LIPA: variants seen among roughly 807,000 people sequenced by gnomAD.
The protein encoded by LIPA is lysosomal acid lipase/cholesteryl ester hydrolase.
A neutral mutation model predicts 40.6 loss-of-function variants in LIPA; 26 were observed. The ratio of observed to expected loss-of-function variants is 0.64; its 90% CI spans 0.47 to 0.89. LIPA has a LOEUF of 0.89. Ranked by LOEUF, LIPA falls within the 40% of genes least tolerant of loss-of-function variation. The pLI, the probability that LIPA is intolerant of heterozygous loss-of-function variation, is 0.00. For missense variants in LIPA, 455 were observed against 479.6 expected (o/e 0.95, Z 0.48); for synonymous variants, 188 against 168.4 (o/e 1.12, Z -0.90).
At chr10:89,267,749 TAA>T (rs55980603) in intron 1 of LIPA, among the ~76,000 whole-genome samples, 2,542 of 135,460 alleles carry the variant, frequency 0.019, 31 homozygotes, top group African/African-American at 0.032. Flanking sequence ...AAAAGAAACT[TAA>T]AAAAAAAAAA....
rs766942088 is a variant in LIPA at position 89,247,557 on chromosome 10, G to C, written c.92C>G (p.Pro31Arg). The C allele has an allele frequency of 6.2e-7, 1 of 1,608,948 alleles. No individual in the cohort carries two copies. Among genetic ancestry groups the C allele is most frequent in the Non-Finnish European group, 8.5e-7 (1 of 1,175,400 alleles). ...GSGGKLTAVD[P>R]ETNMNVSEII... ...ACTTACCACATTCATGTTTGTTTCA[G>C]GATCCACAGCTGTCAGTTTCCCTCC... Residue 31 changes from proline (P) to arginine (R), a missense_variant, in exon 2 of 10, where the codon CCT (proline) becomes CGT (arginine). Transcript: ENST00000336233.
chr10:89,220,820 C>T (rs1392248029), intron 8 of LIPA, among the ~76,000 whole-genome samples: 2 of 152,194 alleles, frequency 1.3e-5, no homozygotes, highest in Non-Finnish European at 2.9e-5. Flanking sequence ...AACAGGTCTG[C>T]TCCCAAACCT....
chr10:89,311,644 T>C (rs1048774296), intron 1 of LIPA, among the ~76,000 whole-genome samples: 7 of 152,092 alleles, frequency 4.6e-5, no homozygotes, highest in Admixed American at 2.0e-4. Context: ...TATCTTCTAA[T>C]TGTTGATTAA....
Position 89,275,993 on chromosome 10 carries a change from C to T in LIPA, c.-1-28344G>A, listed in dbSNP as rs550221587. ...ATAGCTTGTGTGAGAATAATGCCAG[C>T]TCAGTTCACAGTACAACCTTTCTAC... On this transcript the variant is annotated intron_variant, in intron 1 of 5. Transcript: ENST00000282673. 3.3e-5 allele frequency among the ~76,000 whole-genome samples: 5 copies of T among 152,272 alleles called. No individual in the cohort carries two copies. The East Asian group carries it at 9.6e-4, about 29-fold the overall frequency.
At chr10:89,393,514 C>G (rs1779469441) in intron 2 of LIPA, among the ~76,000 whole-genome samples, 1 of 152,200 alleles carries the variant, frequency 6.6e-6, no homozygotes. Context: ...GAGCAGATCG[C>G]CTGAGGTCAG....
At chr10:89,388,064 A>G (rs914432591) in intron 2 of LIPA, among the ~76,000 whole-genome samples, 1 of 152,310 alleles carries the variant, frequency 6.6e-6, no homozygotes, top group African/African-American at 2.4e-5. Flanking sequence ...TTGACTCTAC[A>G]TTTTTAATAG....
At chr10:89,402,663 A>T in intron 2 of LIPA, 1 of 1,614,226 alleles carries the variant, frequency 6.2e-7, no homozygotes, top group Non-Finnish European at 8.5e-7. Context: ...GAAGCTTTCA[A>T]ATCCCTTCCG....
chr10:89,373,495 G>T (rs1160120769), intron 2 of LIPA, among the ~76,000 whole-genome samples: 1 of 152,074 alleles, frequency 6.6e-6, no homozygotes, highest in South Asian at 2.1e-4. Flanking sequence ...TTTCTCTGTG[G>T]ACATGATTGG....
At chr10:89,322,844 C>T (rs1348077381) in intron 1 of LIPA, among the ~76,000 whole-genome samples, 1 of 152,210 alleles carries the variant, frequency 6.6e-6, no homozygotes, top group African/African-American at 2.4e-5. Flanking sequence ...CCTGTTCTCC[C>T]AGGAAGCACC....
Position 89,228,400 on chromosome 10 carries a change from T to G in LIPA, c.230-2A>C. The G allele has an allele frequency of 6.2e-7, 1 of 1,613,940 alleles. No individual in the cohort carries two copies. The highest frequency in any genetic ancestry group is 8.5e-7 in the Non-Finnish European group (1 of 1,179,778). On this transcript the variant is annotated splice_acceptor_variant, in intron 3 of 9. Transcript: ENST00000336233. LOFTEE classifies it high-confidence loss of function. ...GCAGGAAGACAACTGGTTTGGGACCTGAAAAACATTCATTGTTTAGGAGGC... is the reference window on the plus strand; with the variant it reads ...GCAGGAAGACAACTGGTTTGGGACCGGAAAAACATTCATTGTTTAGGAGGC...
rs1282737498 is a variant in LIPA, at chr10:89,214,595, A to AAT, written c.*231_*232dup. The AAT allele has an allele frequency of 2.0e-6, 1 of 489,392 alleles. No homozygotes were observed. The highest frequency in any genetic ancestry group is 1.9e-5 in the African/African-American group (1 of 51,622). The allele number at this position is 489,392 out of a possible 1,614,324, so 30.3% of individuals were successfully genotyped here. A position where few individuals can be genotyped will look rare whatever the true frequency, so the allele number is the denominator to read the frequency against. Reference sequence around the variant, plus strand: ...TGATATTTAAAAGACTTAAAGAGACAATACTATGGTTGAGACACTGGCTTC... The same window carrying AAT: ...TGATATTTAAAAGACTTAAAGAGACAATATACTATGGTTGAGACACTGGCTTC... On this transcript the variant is annotated 3_prime_UTR_variant, in exon 10 of 10. Transcript: ENST00000336233.
chr10:89,384,298 T>A, intron 2 of LIPA: 1 of 1,614,138 alleles, frequency 6.2e-7, no homozygotes, highest in East Asian at 2.2e-5. Context: ...TATATGCAAA[T>A]TTGAAAAGAC....
At chr10:89,287,602 C>G (rs887972793) in intron 1 of LIPA, among the ~76,000 whole-genome samples, 3 of 152,096 alleles carry the variant, frequency 2.0e-5, no homozygotes, top group Non-Finnish European at 4.4e-5. Flanking sequence ...TAAGATACCT[C>G]TACTCCCTCC....
At chr10:89,352,821 C>T (rs995972519) in intron 2 of LIPA, among the ~76,000 whole-genome samples, 3 of 149,970 alleles carry the variant, frequency 2.0e-5, no homozygotes, top group Non-Finnish European at 4.4e-5. Flanking sequence ...CTACATACTT[C>T]CTTCACAATT....
chr10:89,345,526 C>A (rs1282967715), upstream of LIPA, among the ~76,000 whole-genome samples: 1 of 134,442 alleles, frequency 7.4e-6, no homozygotes, highest in Admixed American at 7.9e-5. Flanking sequence ...GAGACTCCAT[C>A]TCAAAAAATA....
intron 1 of LIPA, among the ~76,000 whole-genome samples, chr10:89,305,747 C>T (rs1843473851): frequency 6.6e-6 from 1 of 152,142 alleles, no homozygotes; most frequent in Non-Finnish European, 1.5e-5. Context: ...CCACTGCCCT[C>T]GCCCTAATTC....
At chr10:89,236,218 A>G (rs570989249) in intron 3 of LIPA, among the ~76,000 whole-genome samples, 12 of 152,348 alleles carry the variant, frequency 7.9e-5, no homozygotes, top group African/African-American at 9.6e-5. Flanking sequence ...GGTGCCATTG[A>G]CAGTTAAGAG....
rs114701376 is a variant in LIPA at position 89,223,547 on chromosome 10, T to C, written c.822+137A>G. On this transcript the variant is annotated intron_variant, in intron 7 of 9. Coordinates refer to ENST00000336233, the MANE Select transcript of LIPA (RefSeq NM_000235.4). ...ACCGTATTCTAGGCATTGGCCAAAG[T>C]TCATGCTTGTGCCTCTCAAATGAAA... The C allele has an allele frequency of 3.2e-3, 2,538 of 782,576 alleles. 25 individuals are homozygous for C. Among genetic ancestry groups the C allele is most frequent in the Middle Eastern group, 0.01 (27 of 2,688 alleles). 48.5% of individuals were successfully genotyped at this position (782,576 alleles called of 1,614,324 possible).
intron 1 of LIPA, among the ~76,000 whole-genome samples, chr10:89,302,971 A>G (rs1843454965): frequency 6.6e-6 from 1 of 150,912 alleles, no homozygotes; most frequent in Non-Finnish European, 1.5e-5. Context: ...TCTTGAAACG[A>G]TATTATTTCC....
Sources: gnomAD v4.1 joint callset for allele counts (sites outside exome capture counted in the v4.1 genomes callset) on GRCh38, gnomAD v4.1.1 for gene constraint, MANE v1.5 for transcripts, NCBI Gene and HGNC (gene_info 2026-07-23, HGNC 2026-07-21) for gene names.